Variants in UNKL observed in about 807,000 individuals in gnomAD.
UNKL encodes unk like zinc finger, also known as putative E3 ubiquitin-protein ligase UNKL.
In UNKL, 60 loss-of-function variants were observed where a neutral mutation model predicts 78.0. That is an observed-to-expected ratio of 0.77 (90% CI 0.63 to 0.95). The LOEUF is 0.95. Ranked by LOEUF, UNKL falls within the 40% of genes least tolerant of loss-of-function variation. UNKL has a pLI of 0.00. For synonymous variants in UNKL, 608 were observed against 474.8 expected (o/e 1.28, Z -3.65); for missense variants, 1,159 against 1,045.7 (o/e 1.11, Z -1.49).
At chr16:1,368,122 GA>G in intron 12 of UNKL, 1 of 527,846 alleles carries the variant, frequency 1.9e-6, no homozygotes, top group East Asian at 3.3e-5. Flanking sequence ...AGTCTAAACA[GA>G]GAGGAATTAA....
intron 10 of UNKL, among the ~76,000 whole-genome samples, chr16:1,376,452 C>CACACTCCTCCTCCCTCCAGGGCTGGGGT (rs2036234247): frequency 6.6e-6 from 1 of 150,628 alleles, no homozygotes; most frequent in East Asian, 1.9e-4. Flanking sequence ...CCAGGGCTGG[C>CACACTCCTCCTCCCTCCAGGGCTGGGGT]ACACTCCTCC....
At chr16:1,370,826 G>C (rs2035756344) in intron 11 of UNKL, among the ~76,000 whole-genome samples, 2 of 151,988 alleles carry the variant, frequency 1.3e-5, no homozygotes, top group South Asian at 4.1e-4. Context: ...GCTCACGCCT[G>C]TAATCCCAGC....
At position 1,368,473 on chromosome 16, in the gene UNKL, G is replaced by A. The variant is rs530239643; in HGVS notation, c.1586-615C>T. ...AAAAATTAGCCAGGCGTGGTGGCGG[G>A]CGCCTGTAGTCCCAGCTACTCGGGA... On this transcript the variant is annotated intron_variant, in intron 12 of 14. Coordinates refer to ENST00000389221, the MANE Select transcript of UNKL (RefSeq NM_001372107.1). 5.8e-3 allele frequency among the ~76,000 whole-genome samples: 886 copies of A among 151,974 alleles called. 7 individuals carry two copies. Among genetic ancestry groups the A allele is most frequent in the African/African-American group, 0.021 (851 of 41,452 alleles).
intron 10 of UNKL, among the ~76,000 whole-genome samples, chr16:1,375,383 TCCACC>T (rs1467836351): frequency 1.3e-5 from 2 of 151,856 alleles, no homozygotes; most frequent in African/African-American, 4.8e-5. Flanking sequence ...CCCACCCCAC[TCCACC>T]GCACAGCACG....
At chr16:1,372,650 TG>T (rs1207319693) in intron 10 of UNKL, among the ~76,000 whole-genome samples, 7 of 152,130 alleles carry the variant, frequency 4.6e-5, no homozygotes, top group Admixed American at 1.3e-4. Context: ...GAAGTTGGGT[TG>T]GGGGTGAGGG....
intron 6 of UNKL, among the ~76,000 whole-genome samples, chr16:1,394,828 C>G (rs1596731853): frequency 6.6e-6 from 1 of 152,340 alleles, no homozygotes; most frequent in South Asian, 2.1e-4. Flanking sequence ...CCCCACCCCC[C>G]CATGGCCCTT....
intron 9 of UNKL, among the ~76,000 whole-genome samples, chr16:1,389,096 C>T (rs1444674972): frequency 6.8e-6 from 1 of 146,134 alleles, no homozygotes; most frequent in Non-Finnish European, 1.5e-5. Context: ...CACCTGCTGT[C>T]TGTGAATGTG....
In UNKL at chr16:1,397,029, C is replaced by G; in HGVS notation, c.852+149G>C. On this transcript the variant is annotated intron_variant, in intron 6 of 14. Coordinates refer to ENST00000389221, the MANE Select transcript of UNKL (RefSeq NM_001372107.1). ...AAGACAAGCAAGCAGGTACAGCCCT[C>G]ATGCCTCCACCCCCAGGCTTCCCGA... is the stretch of plus-strand genomic sequence containing the variant. 3 of 790,624 alleles carry G rather than the reference C, an allele frequency of 3.8e-6. No individual in the cohort carries two copies. In the South Asian group the frequency reaches 5.1e-5, roughly 13 times the overall value. The allele number at this position is 790,624 out of a possible 1,614,324, so 49.0% of individuals were successfully genotyped here. A position where few individuals can be genotyped will look rare whatever the true frequency, so the allele number is the denominator to read the frequency against.
chr16:1,391,193 AC>A (rs1173373131), intron 8 of UNKL, among the ~76,000 whole-genome samples: 8 of 120,872 alleles, frequency 6.6e-5, no homozygotes, highest in African/African-American at 2.2e-4. Context: ...ACACACACAC[AC>A]AATATATATG....
At chr16:1,389,750 C>G (rs1171879690) in intron 9 of UNKL, among the ~76,000 whole-genome samples, 1 of 152,246 alleles carries the variant, frequency 6.6e-6, no homozygotes, top group Non-Finnish European at 1.5e-5. Context: ...CAGGAGCCAG[C>G]TCTGGACAGC....
chr16:1,380,407 C>G (rs1176411986), intron 10 of UNKL, among the ~76,000 whole-genome samples: 1 of 152,306 alleles, frequency 6.6e-6, no homozygotes, highest in East Asian at 1.9e-4. Context: ...GAGCCATGGG[C>G]AGGGAGTCCC....
chr16:1,398,454 C>T, intron 5 of UNKL: 4 of 1,137,250 alleles, frequency 3.5e-6, no homozygotes, highest in East Asian at 6.6e-5. Flanking sequence ...CCGTTCAGGT[C>T]CTTTACTCGG....
chr16:1,363,396 A>G lies in UNKL; in HGVS notation c.*2844T>C. The stretch of plus-strand genomic sequence containing the variant: ...TCCATTCAAATAACATTCTCATGTA[A>G]ATACTCAAACATACAGATTGAGGCT... On this transcript the variant is annotated 3_prime_UTR_variant, in exon 15 of 15. Transcript: ENST00000389221. 5.0e-6 allele frequency: 2 copies of G among 399,022 alleles called. No individual in the cohort carries two copies. The highest frequency in any genetic ancestry group is 2.2e-5 in the South Asian group (1 of 46,072). 24.7% of individuals were successfully genotyped at this position (399,022 alleles called of 1,614,324 possible).
chr16:1,383,918 G>C (rs927893501), intron 10 of UNKL: 2 of 348,038 alleles, frequency 5.7e-6, no homozygotes, highest in Non-Finnish European at 1.3e-5. Context: ...GGAGAGGAAG[G>C]GGTGGGCTCC....
intron 10 of UNKL, chr16:1,379,318 G>T: frequency 4.3e-6 from 1 of 233,326 alleles, no homozygotes; most frequent in Non-Finnish European, 7.0e-6. Flanking sequence ...GCCCCGCTCC[G>T]CTCCGCTCTC....
At chr16:1,367,004 G>A (rs1596634035) in intron 14 of UNKL, 88 bp downstream of exon 14, 1 of 1,439,274 alleles carries the variant, frequency 6.9e-7, no homozygotes, top group East Asian at 2.5e-5. Flanking sequence ...GGAGGAAGGG[G>A]ACACCGCACC....
At chr16:1,367,538 C>A in intron 13 of UNKL, 118 bp downstream of exon 13, 1 of 966,718 alleles carries the variant, frequency 1.0e-6, no homozygotes, top group South Asian at 1.7e-5. Flanking sequence ...CCCCCACACG[C>A]TCACCTGAGT....
At chr16:1,393,443 TGGA>T (rs1015157108) in intron 7 of UNKL, among the ~76,000 whole-genome samples, 6 of 136,858 alleles carry the variant, frequency 4.4e-5, no homozygotes, top group Non-Finnish European at 6.4e-5. Flanking sequence ...CACTGCAGCG[TGGA>T]GGAGGCCGCG....
chr16:1,404,012 A>G (rs900587054), intron 2 of UNKL, among the ~76,000 whole-genome samples: 4 of 152,196 alleles, frequency 2.6e-5, no homozygotes, highest in Admixed American at 2.6e-4. Context: ...GGAGAGGGGA[A>G]GCAGCTGCCA....
Sources: allele counts gnomAD v4.1 joint callset (sites outside exome capture counted in the v4.1 genomes callset), GRCh38; gene constraint gnomAD v4.1.1; transcripts MANE v1.5; gene names NCBI Gene and HGNC (gene_info 2026-07-23, HGNC 2026-07-21).